Variants in PHACTR3 observed in about 807,000 individuals in gnomAD.
PHACTR3 encodes the protein phosphatase and actin regulator 3.
PHACTR3 carries 16 observed loss-of-function variants against 66.8 expected under a neutral mutation model. That is an observed-to-expected ratio of 0.24 (90% CI 0.16 to 0.36). PHACTR3 has a LOEUF of 0.36. Ranked by LOEUF, PHACTR3 falls within the 10% of genes least tolerant of loss-of-function variation. The pLI is 1.00. For missense variants in PHACTR3, 647 were observed against 719.9 expected, an observed-to-expected ratio of 0.90 and a Z score of 1.16; for synonymous variants, 323 against 292.1, an observed-to-expected ratio of 1.11 and a Z score of -1.08.
In PHACTR3 at chr20:59,738,744, T is replaced by C. The variant is rs1162618638; in HGVS notation, c.119-4363T>C. On this transcript the variant is annotated intron_variant, in intron 1 of 12. Transcript: ENST00000371015. This position sits in a 1 kb window ranked among gnomAD's most constrained non-coding sequence, Gnocchi z 4.4. The stretch of plus-strand genomic sequence containing the variant: ...TCCCTTCATCCTTCAGCTGTGTATG[T>C]GTGTTTCTGGTGATTGCTGCCGATC... 6.6e-6 allele frequency among the ~76,000 whole-genome samples: 1 copy of C among 152,062 alleles called. No homozygotes were observed. The highest frequency in any genetic ancestry group is 2.4e-5 in the African/African-American group (1 of 41,422).
At chr20:59,819,763 G>A (rs527900166) in intron 8 of PHACTR3, among the ~76,000 whole-genome samples, 44 of 151,910 alleles carry the variant, frequency 2.9e-4, no homozygotes, top group South Asian at 4.2e-4. Context: ...TGCTGTCCCG[G>A]TACTGGCCAC....
intron 7 of PHACTR3, among the ~76,000 whole-genome samples, chr20:59,782,486 A>T (rs1224325688): frequency 6.6e-6 from 1 of 152,164 alleles, no homozygotes; most frequent in Non-Finnish European, 1.5e-5. Context: ...TCCTGACCTC[A>T]GGTGATCCAC....
intron 1 of PHACTR3, among the ~76,000 whole-genome samples, chr20:59,710,917 C>G (rs200406814): frequency 6.8e-6 from 1 of 146,668 alleles, no homozygotes; most frequent in African/African-American, 2.5e-5. Context: ...AGTCTTTTTT[C>G]TTTTTGAGTC....
At chr20:59,796,438 G>A (rs190553972) in intron 7 of PHACTR3, among the ~76,000 whole-genome samples, 99 of 152,172 alleles carry the variant, frequency 6.5e-4, no homozygotes, top group East Asian at 2.5e-3. Flanking sequence ...ATGAATTTGC[G>A]TCTACCAGTG....
rs559248948 is a variant in PHACTR3, at chr20:59,598,440, G to T, written c.109+20823G>T. The stretch of plus-strand genomic sequence containing the variant: ...TCAGAAAATGTTGGGACCTGATCTT[G>T]TGCCTGGGTCTGTGGCTCCTGCCCT... On this transcript the variant is annotated intron_variant, in intron 1 of 12. Coordinates refer to the PHACTR3 transcript ENST00000359926. 2.6e-5 allele frequency among the ~76,000 whole-genome samples: 4 copies of T among 152,322 alleles called. No individual in the cohort carries two copies. The South Asian group carries it at 6.2e-4, about 24-fold the overall frequency.
chr20:59,755,295 T>C lies in PHACTR3; in HGVS notation c.472T>C (p.Leu158=). Residue 158 remains leucine (L), a synonymous_variant, in exon 4 of 13, where the codon TTG becomes CTG. Transcript: ENST00000371015. ...TSEDAQPGSP[L]ATGTDQVSLD... ...AGAAGATGCCCAGCCCGGAAGCCCC[T>C]TGGCCACTGGGACGGACCAGGTCTC... The C allele has an allele frequency of 6.2e-7, 1 of 1,613,486 alleles. No homozygotes were observed. The highest frequency in any genetic ancestry group is 8.5e-7 in the Non-Finnish European group (1 of 1,180,004).
intron 8 of PHACTR3, among the ~76,000 whole-genome samples, chr20:59,835,315 T>C (rs2042496282): frequency 6.6e-6 from 1 of 151,990 alleles, no homozygotes; most frequent in Non-Finnish European, 1.5e-5. Context: ...CATCGAGATA[T>C]GATGTGGAAG....
intron 1 of PHACTR3, among the ~76,000 whole-genome samples, chr20:59,692,298 G>A (rs928103859): frequency 6.6e-6 from 1 of 152,226 alleles, no homozygotes; most frequent in Non-Finnish European, 1.5e-5. Flanking sequence ...ATAGAATTGG[G>A]TGACAACCTT....
At chr20:59,700,810 G>GACAAA (rs2037476345) in intron 1 of PHACTR3, among the ~76,000 whole-genome samples, 1 of 152,052 alleles carries the variant, frequency 6.6e-6, no homozygotes, top group Non-Finnish European at 1.5e-5. Flanking sequence ...TTTGTTTTGA[G>GACAAA]ACAGGGGCTT....
Position 59,774,306 on chromosome 20 carries a change from G to C in PHACTR3, c.990G>C (p.Thr330=). The C allele has an allele frequency of 6.2e-7, 1 of 1,613,974 alleles. No homozygotes were observed. Among genetic ancestry groups the C allele is most frequent in the Non-Finnish European group, 8.5e-7 (1 of 1,179,964 alleles). ...KKRLDVRLSR[T]SSVERGKERE... ...GGCTGGATGTCCGTCTGTCGAGAAC[G>C]TCCAGCGTGGAGCGGGGCAAGGAGA... The change falls in exon 7 of 13, where the codon ACG becomes ACC. Residue 330 remains threonine (T), a synonymous_variant. Transcript: ENST00000371015.
In PHACTR3 at chr20:59,730,647, C is replaced by G. The variant is rs189787187; in HGVS notation, c.119-12460C>G. On this transcript the variant is annotated intron_variant, in intron 1 of 12. Transcript: ENST00000371015. Reference sequence around the variant, plus strand: ...CAGGATCCAAAACCATTTATTCTCTCCCTTTTTCTTCTTGGGGCACCCAGT... The same window carrying G: ...CAGGATCCAAAACCATTTATTCTCTGCCTTTTTCTTCTTGGGGCACCCAGT... Among the ~76,000 whole-genome samples, 6 of 152,308 alleles carry G rather than the reference C, an allele frequency of 3.9e-5. No homozygotes were observed. The East Asian group carries it at 1.2e-3, about 29-fold the overall frequency.
intron 1 of PHACTR3, among the ~76,000 whole-genome samples, chr20:59,734,704 A>C (rs771293800): frequency 3.3e-5 from 5 of 151,756 alleles, no homozygotes; most frequent in Non-Finnish European, 4.4e-5. Flanking sequence ...ATATGTGGAA[A>C]TTTTACTGGG....
At chr20:59,769,689 A>G (rs1391630237) in intron 5 of PHACTR3, among the ~76,000 whole-genome samples, 1 of 152,212 alleles carries the variant, frequency 6.6e-6, no homozygotes, top group Non-Finnish European at 1.5e-5. Context: ...ATCCAAGTGC[A>G]GGCATAGTAC....
intron 1 of PHACTR3, among the ~76,000 whole-genome samples, chr20:59,607,726 A>G (rs745814509): frequency 2.0e-5 from 3 of 152,088 alleles, no homozygotes; most frequent in Admixed American, 1.3e-4. Flanking sequence ...TGCTGGACTC[A>G]TGGCTCTTCC....
At chr20:59,641,632 A>G (rs945234538) in intron 1 of PHACTR3, among the ~76,000 whole-genome samples, 8 of 152,192 alleles carry the variant, frequency 5.3e-5, no homozygotes, top group Non-Finnish European at 1.2e-4. Flanking sequence ...AAACTCCCTC[A>G]TGGGCACCCA....
intron 1 of PHACTR3, among the ~76,000 whole-genome samples, chr20:59,630,290 C>G (rs974236349): frequency 2.0e-5 from 3 of 151,890 alleles, no homozygotes; most frequent in Non-Finnish European, 4.4e-5. Flanking sequence ...TCAAGTGATT[C>G]TCCTGCCTCA....
intron 1 of PHACTR3, among the ~76,000 whole-genome samples, chr20:59,646,807 T>C (rs2035295387): frequency 6.6e-6 from 1 of 152,226 alleles, no homozygotes; most frequent in Admixed American, 6.5e-5. Flanking sequence ...CATGTATGCA[T>C]GCACACATGT....
chr20:59,739,547 G>A (rs557980887), intron 1 of PHACTR3, among the ~76,000 whole-genome samples: 1 of 152,208 alleles, frequency 6.6e-6, no homozygotes, highest in East Asian at 1.9e-4. Context: ...AGAAGTGCAG[G>A]GCGAAGGGGG....
chr20:59,776,507 C>G lies in PHACTR3; in HGVS notation c.1174+2017C>G, dbSNP rs570022037. 5.2e-4 allele frequency among the ~76,000 whole-genome samples: 44 copies of G among 84,444 alleles called. No homozygotes were observed. In the South Asian group the frequency reaches 0.016, roughly 30 times the overall value. The allele number at this position is 84,444 out of a possible 152,430, so 55.4% of individuals were successfully genotyped here. On this transcript the variant is annotated intron_variant, in intron 7 of 12. Coordinates refer to ENST00000371015, the MANE Select transcript of PHACTR3 (RefSeq NM_080672.5). Reference sequence around the variant, plus strand: ...CTTCTTCCTGTCCTCACCAGCCACACGGGGAGGATAGCCCCTGGGGAGGAC... The same window carrying G: ...CTTCTTCCTGTCCTCACCAGCCACAGGGGGAGGATAGCCCCTGGGGAGGAC...
Sources: gnomAD v4.1 joint callset for allele counts (sites outside exome capture counted in the v4.1 genomes callset) on GRCh38, gnomAD v4.1.1 for gene constraint, Gnocchi (gnomAD v3.1) non-coding constraint, MANE v1.5 for transcripts, NCBI Gene and HGNC (gene_info 2026-07-23, HGNC 2026-07-21) for gene names.